Variants in SEMA5A observed in about 807,000 individuals in gnomAD.
The protein encoded by SEMA5A is semaphorin 5A, also known as semaphorin-5A.
In SEMA5A, 55 loss-of-function variants were observed where a neutral mutation model predicts 135.5. The ratio of observed to expected loss-of-function variants is 0.41; its 90% confidence interval spans 0.33 to 0.51. The LOEUF (loss-of-function observed/expected upper bound fraction) is 0.51. SEMA5A is among the 20% of genes least tolerant of loss of function. The probability of loss-of-function intolerance (pLI) is 0.37; values close to 1 mark genes in which losing one functional copy is unlikely to be tolerated. For synonymous variants in SEMA5A, 580 were observed against 546.5 expected (o/e 1.06, Z -0.85); for missense variants, 1,290 against 1,419.9 (o/e 0.91, Z 1.47).
At chr5:9,528,122 C>A (rs1189984215) in intron 1 of SEMA5A, among the ~76,000 whole-genome samples, 1 of 152,178 alleles carries the variant, frequency 6.6e-6, no homozygotes, top group Admixed American at 6.5e-5. Context: ...CACTGCCTAC[C>A]AAAGACTTCA....
intron 3 of SEMA5A, among the ~76,000 whole-genome samples, chr5:9,366,546 G>A (rs746411850): frequency 3.3e-5 from 5 of 152,198 alleles, no homozygotes; most frequent in South Asian, 2.1e-4. Context: ...CCACCACCAC[G>A]CCCAGCTAAG....
intron 5 of SEMA5A, among the ~76,000 whole-genome samples, chr5:9,271,375 T>C (rs1027811752): frequency 6.6e-6 from 1 of 152,106 alleles, no homozygotes; most frequent in African/African-American, 2.4e-5. Flanking sequence ...GAGAATGAAC[T>C]AATAAAGAAA....
At chr5:9,346,003 G>A (rs898771635) in intron 3 of SEMA5A, among the ~76,000 whole-genome samples, 4 of 152,098 alleles carry the variant, frequency 2.6e-5, no homozygotes, top group Admixed American at 1.3e-4. Flanking sequence ...AAGCTTAAAA[G>A]CCTGACAGAC....
intron 10 of SEMA5A, among the ~76,000 whole-genome samples, chr5:9,196,004 G>T (rs1745366087): frequency 6.6e-6 from 1 of 152,238 alleles, no homozygotes; most frequent in Admixed American, 6.5e-5. Context: ...CAGGCCCACT[G>T]TCTTTCCCTG....
chr5:9,271,049 T>G (rs971849305), intron 5 of SEMA5A, among the ~76,000 whole-genome samples: 1 of 152,256 alleles, frequency 6.6e-6, no homozygotes, highest in Admixed American at 6.5e-5. Context: ...AATTGTAACC[T>G]CCACATATCG....
chr5:9,334,936 G>A (rs920055912), intron 4 of SEMA5A, among the ~76,000 whole-genome samples: 6 of 152,220 alleles, frequency 3.9e-5, no homozygotes, highest in South Asian at 4.2e-4. Context: ...CGGCCCATCC[G>A]ATCCTTCCCA....
At chr5:9,521,029 G>C (rs750454739) in intron 1 of SEMA5A, among the ~76,000 whole-genome samples, 1 of 152,232 alleles carries the variant, frequency 6.6e-6, no homozygotes, top group Non-Finnish European at 1.5e-5. Context: ...AGTGCAAGGC[G>C]TTAGCAATAG....
intron 2 of SEMA5A, among the ~76,000 whole-genome samples, chr5:9,413,147 G>A (rs1033285561): frequency 2.0e-5 from 3 of 152,108 alleles, no homozygotes; most frequent in Non-Finnish European, 4.4e-5. Context: ...TGGGGAAGGT[G>A]GGCAGGTCCT....
intron 20 of SEMA5A, among the ~76,000 whole-genome samples, 193 bp downstream of exon 20, chr5:9,051,680 T>C (rs1736584822): frequency 6.6e-6 from 1 of 152,214 alleles, no homozygotes; most frequent in Non-Finnish European, 1.5e-5. Flanking sequence ...AAATCTTAAA[T>C]TCATGAACTG....
rs190046129 is a variant in SEMA5A at position 9,160,256 on chromosome 5, C to T, written c.1274-5561G>A. On this transcript the variant is annotated intron_variant, in intron 11 of 22. Transcript: ENST00000382496. ...CTTTGTCTGTCATCCATCTCAAGGA[C>T]AAGCAGAGGCACATCTGTGTCAGAA... Among the ~76,000 whole-genome samples, 3 of 152,248 alleles carry T rather than the reference C, an allele frequency of 2.0e-5. No homozygotes were observed. The East Asian group carries it at 5.8e-4, about 29-fold the overall frequency.
intron 12 of SEMA5A, among the ~76,000 whole-genome samples, chr5:9,148,749 T>C (rs1190080678): frequency 6.6e-6 from 1 of 152,180 alleles, no homozygotes. Context: ...AGACAGAGTC[T>C]CACTCTGTCG....
At chr5:9,145,404 T>C (rs988546184) in intron 12 of SEMA5A, among the ~76,000 whole-genome samples, 2 of 152,200 alleles carry the variant, frequency 1.3e-5, no homozygotes, top group Non-Finnish European at 2.9e-5. Flanking sequence ...GCTCTTTCCA[T>C]AGGCAAGCTG....
intron 1 of SEMA5A, among the ~76,000 whole-genome samples, chr5:9,510,168 C>T (rs1208945815): frequency 4.6e-5 from 7 of 152,194 alleles, no homozygotes; most frequent in East Asian, 1.9e-4. Flanking sequence ...TCTGGCACAA[C>T]GCCCAGCCCA....
chr5:9,472,985 G>C (rs112842151), intron 1 of SEMA5A, among the ~76,000 whole-genome samples: 1 of 150,268 alleles, frequency 6.7e-6, no homozygotes, highest in African/African-American at 2.4e-5. Flanking sequence ...TGTCATGTAC[G>C]TAGCATTATT....
At chr5:9,095,062 T>C (rs1579382292) in intron 16 of SEMA5A, among the ~76,000 whole-genome samples, 1 of 152,222 alleles carries the variant, frequency 6.6e-6, no homozygotes, top group African/African-American at 2.4e-5. Flanking sequence ...ACCAGCTATT[T>C]ATTTACTTAT....
intron 1 of SEMA5A, among the ~76,000 whole-genome samples, chr5:9,492,925 G>A (rs78592019): frequency 0.068 from 10,383 of 152,172 alleles, 452 homozygotes; most frequent in Middle Eastern, 0.13. Flanking sequence ...TCTGCATGAC[G>A]TTCTGTTGGT....
chr5:9,378,307 G>A (rs754773873), intron 3 of SEMA5A, among the ~76,000 whole-genome samples: 1 of 152,158 alleles, frequency 6.6e-6, no homozygotes, highest in Admixed American at 6.5e-5. Flanking sequence ...ATGAAGGAAA[G>A]ATAGTTTATA....
chr5:9,336,341 A>G (rs1414737876), intron 4 of SEMA5A, among the ~76,000 whole-genome samples: 2 of 152,198 alleles, frequency 1.3e-5, no homozygotes, highest in African/African-American at 4.8e-5. Flanking sequence ...GACAGCTTAT[A>G]TCCAATGGGA....
At chr5:9,523,266 T>C (rs1044246661) in intron 1 of SEMA5A, 7 of 152,116 alleles carry the variant, frequency 4.6e-5, no homozygotes, top group Non-Finnish European at 8.8e-5. Flanking sequence ...TTGCCTCCTT[T>C]TCCAGAGCCT....
Sources: allele counts gnomAD v4.1 joint callset (sites outside exome capture counted in the v4.1 genomes callset), GRCh38; gene constraint gnomAD v4.1.1; transcripts MANE v1.5; gene names NCBI Gene and HGNC (gene_info 2026-07-23, HGNC 2026-07-21).